Variants in GOLGA8K observed in about 807,000 individuals in gnomAD.
The protein encoded by GOLGA8K is golgin subfamily A member 8K.
GOLGA8K carries 12 observed loss-of-function variants against 75.2 expected under a neutral mutation model. The ratio of observed to expected loss-of-function variants is 0.16; its 90% CI spans 0.10 to 0.26. The LOEUF (loss-of-function observed/expected upper bound fraction) is 0.26, where lower values mean the gene tolerates loss of function less well. GOLGA8K is among the 10% of genes least tolerant of loss of function. GOLGA8K has a pLI of 1.00. For missense variants in GOLGA8K, 109 were observed against 640.8 expected (o/e 0.17, Z 8.96); for synonymous variants, 48 against 236.6 (o/e 0.20, Z 7.32).
chr15:32,397,312 T>C lies in GOLGA8K; in HGVS notation c.679-2A>G, dbSNP rs1436387532. On this transcript the variant is annotated splice_acceptor_variant, in intron 9 of 18. Transcript: ENST00000512626. LOFTEE classifies it high-confidence loss of function. ...GACTTGTTGAAAAGACTCCTTCAACTGCAAGAATGGGCACAGAACTTAGGA... is the reference window on the plus strand; with the variant it reads ...GACTTGTTGAAAAGACTCCTTCAACCGCAAGAATGGGCACAGAACTTAGGA... The C allele has an allele frequency of 6.3e-7, 1 of 1,576,704 alleles. No individual in the cohort carries two copies. The highest frequency in any genetic ancestry group is 1.4e-5 in the African/African-American group (1 of 70,632).
chr15:32,395,001 T>C (rs1408227414), intron 13 of GOLGA8K, among the ~76,000 whole-genome samples: 1 of 149,704 alleles, frequency 6.7e-6, no homozygotes, highest in Non-Finnish European at 1.5e-5. Flanking sequence ...CAGGTAATGG[T>C]CTGGCTGCTG....
At chr15:32,397,396 A>G in intron 9 of GOLGA8K, 21 bp downstream of exon 9, 1 of 1,188,332 alleles carries the variant, frequency 8.4e-7, no homozygotes, top group Non-Finnish European at 1.2e-6. Context: ...CCTTCCACAT[A>G]ACTCCCTCAG....
At position 32,397,249 on chromosome 15, in the gene GOLGA8K, C is replaced by T. The variant is rs2054632968; in HGVS notation, c.740G>A (p.Gly247Glu). The change falls in exon 10 of 19, where the codon GGA becomes GAA. Residue 247 changes from glycine (G) to glutamate (E), a missense_variant. Coordinates refer to ENST00000512626, the MANE Select transcript of GOLGA8K (RefSeq NM_001282493.2). ...ERDEYSEHLK[G>E]ERARWQQRMR... ...CCTCTGCTGCCACCGGGCCCTCTCT[C>T]CTTTTAGATGTTCAGAATACTCATC... The T allele has an allele frequency of 6.4e-7, 1 of 1,563,912 alleles. No individual in the cohort carries two copies. The highest frequency in any genetic ancestry group is 1.8e-5 in the Admixed American group (1 of 56,826).
rs1455798967 is a variant in GOLGA8K, at chr15:32,393,411, G to C, written c.1464-21C>G. On this transcript the variant is annotated intron_variant, in intron 16 of 18. Transcript: ENST00000512626. ...TTTTCCTGCGGGAGGACAGGGCTCA[G>C]ACGCTGGGGCCCCTCCGACGGCCCT... is the stretch of plus-strand genomic sequence containing the variant. 6.5e-6 allele frequency: 7 copies of C among 1,071,036 alleles called. 2 individuals are homozygous for C. Among genetic ancestry groups the C allele is most frequent in the Middle Eastern group, 5.8e-4 (2 of 3,464 alleles). 66.3% of individuals were successfully genotyped at this position (1,071,036 alleles called of 1,614,324 possible).
chr15:32,396,775 G>A (rs2054622940), intron 11 of GOLGA8K, 145 bp downstream of exon 11: 1 of 603,208 alleles, frequency 1.7e-6, no homozygotes. Flanking sequence ...TCATTGAGAT[G>A]ACAAGACTCG....
At chr15:32,395,834 C>G (rs1488900459) in intron 13 of GOLGA8K, 129 bp downstream of exon 13, 5 of 1,500,444 alleles carry the variant, frequency 3.3e-6, no homozygotes, top group Non-Finnish European at 3.6e-6. Flanking sequence ...ACAGGACTGC[C>G]CTGGGGGGTG....
rs533025151 is a variant in GOLGA8K, at chr15:32,394,981, G to A, written c.1201-241C>T. On this transcript the variant is annotated intron_variant, in intron 13 of 18. Transcript: ENST00000512626. The stretch of plus-strand genomic sequence containing the variant: ...TGCTGATAGGTGGCCACGTACTGCT[G>A]CAGGTGACCCAGGTAATGGTCTGGC... Among the ~76,000 whole-genome samples, 1,180 of 149,962 alleles carry A rather than the reference G, an allele frequency of 7.9e-3. 10 individuals carry two copies. The highest frequency in any genetic ancestry group is 0.028 in the African/African-American group (1,140 of 41,172).
In GOLGA8K at chr15:32,389,963, A is replaced by G. The variant is rs1341482687; in HGVS notation, c.*2819T>C. 1.0e-5 allele frequency among the ~76,000 whole-genome samples: 1 copy of G among 96,494 alleles called. No individual in the cohort carries two copies. Among genetic ancestry groups the G allele is most frequent in the African/African-American group, 3.3e-5 (1 of 30,298 alleles). The allele number at this position is 96,494 out of a possible 152,430, so 63.3% of individuals were successfully genotyped here. ...GGATAGGGCTGATTTACATTTTCAA[A>G]TTTTCTAAAATCAGCTTTGGTTTTA... is the stretch of plus-strand genomic sequence containing the variant. On this transcript the variant is annotated 3_prime_UTR_variant, in exon 19 of 19. Coordinates refer to ENST00000512626, the MANE Select transcript of GOLGA8K (RefSeq NM_001282493.2).
At position 32,394,131 on chromosome 15, in the gene GOLGA8K, G is replaced by T. The variant is rs1566973898; in HGVS notation, c.1365+14C>A. The T allele has an allele frequency of 8.2e-6, 8 of 973,894 alleles. 2 individuals are homozygous for T. In the South Asian group the frequency reaches 1.0e-4, roughly 13 times the overall value. 60.3% of individuals were successfully genotyped at this position (973,894 alleles called of 1,614,324 possible). On this transcript the variant is annotated intron_variant, in intron 15 of 18. Transcript: ENST00000512626. Reference sequence around the variant, plus strand: ...GAAAGGTGGCAAAATGGGTGCAGGGGGAGTCAGGCTCACCATGGCCTCCCT... The same window carrying T: ...GAAAGGTGGCAAAATGGGTGCAGGGTGAGTCAGGCTCACCATGGCCTCCCT...
rs1325393292 is a variant in GOLGA8K at position 32,395,843 on chromosome 15, T to C, written c.1200+120A>G. On this transcript the variant is annotated intron_variant, in intron 13 of 18. Transcript: ENST00000512626. ...CAAGAAACAGGACTGCCCTGGGGGG[T>C]GCTGTGGTCACCAGCCCCCAGGCTG... 30 of 1,508,064 alleles carry C rather than the reference T, an allele frequency of 2.0e-5. 2 individuals carry two copies. Among genetic ancestry groups the C allele is most frequent in the Admixed American group, 7.9e-5 (4 of 50,672 alleles). The allele number at this position is 1,508,064 out of a possible 1,614,324, so 93.4% of individuals were successfully genotyped here. A position where few individuals can be genotyped will look rare whatever the true frequency, so the allele number is the denominator to read the frequency against.
intron 1 of GOLGA8K, chr15:32,402,069 A>G: frequency 4.6e-6 from 1 of 217,418 alleles, no homozygotes; most frequent in Non-Finnish European, 8.3e-6. Flanking sequence ...CTTCAGAAAG[A>G]TGTCCCACAT....
rs2054585590 is a variant in GOLGA8K, at chr15:32,394,746, G to A, written c.1201-6C>T. On this transcript the variant is annotated splice_region_variant and splice_polypyrimidine_tract_variant and intron_variant, in intron 13 of 18. Transcript: ENST00000512626. Reference sequence around the variant, plus strand: ...CTGGCCGCTTCCAGGTGCTCCTGAGGGGCCAGGACAGAGTGAGAAGGGGTG... The same window carrying A: ...CTGGCCGCTTCCAGGTGCTCCTGAGAGGCCAGGACAGAGTGAGAAGGGGTG... 1 of 1,541,712 alleles carries A rather than the reference G, an allele frequency of 6.5e-7. No individual in the cohort carries two copies. The highest frequency in any genetic ancestry group is 8.8e-7 in the Non-Finnish European group (1 of 1,140,250).
intron 13 of GOLGA8K, among the ~76,000 whole-genome samples, chr15:32,394,973 G>A (rs866386332): frequency 0.012 from 1,774 of 149,856 alleles, 22 homozygotes; most frequent in African/African-American, 0.04. Context: ...AGGTGGCCAC[G>A]TACTGCTGCA....
In GOLGA8K at chr15:32,393,515, T is replaced by G; in HGVS notation, c.1421A>C (p.Lys474Thr). The stretch of plus-strand genomic sequence containing the variant: ...CCAGTGGTGGATGAAGCAGAGTTCT[T>G]TTTTCACCAGCTCACTCAGGTCTGC... ...EKADLSELVK[K>T]ELCFIHHWRD... The change falls in exon 16 of 19, where the codon AAA (lysine) becomes ACA (threonine). Residue 474 changes from lysine to threonine, a missense_variant. Coordinates refer to ENST00000512626, the MANE Select transcript of GOLGA8K (RefSeq NM_001282493.2). 1 of 1,201,106 alleles carries G rather than the reference T, an allele frequency of 8.3e-7. No individual in the cohort carries two copies. The highest frequency in any genetic ancestry group is 1.1e-6 in the Non-Finnish European group (1 of 906,062). The allele number at this position is 1,201,106 out of a possible 1,614,324, so 74.4% of individuals were successfully genotyped here.
intron 13 of GOLGA8K, 68 bp from the exon 14 acceptor site, chr15:32,394,808 C>A (rs557198663): frequency 7.1e-7 from 1 of 1,399,146 alleles, no homozygotes; most frequent in Non-Finnish European, 9.7e-7. Context: ...GCCCCATCCT[C>A]GGCAGCTCCC....
At chr15:32,394,893 T>G (rs1193101596) in intron 13 of GOLGA8K, among the ~76,000 whole-genome samples, 153 bp from the exon 14 acceptor site, 1 of 144,630 alleles carries the variant, frequency 6.9e-6, no homozygotes, top group African/African-American at 2.5e-5. Flanking sequence ...CTGCTGCAGC[T>G]GGTTCATTAG....
chr15:32,394,317 T>A, intron 14 of GOLGA8K, 84 bp from the exon 15 acceptor site: 1 of 621,524 alleles, frequency 1.6e-6, no homozygotes, highest in Non-Finnish European at 2.8e-6. Context: ...CCTCACTGTG[T>A]AACCCTGAGC....
chr15:32,394,970 C>T (rs564060799), intron 13 of GOLGA8K, among the ~76,000 whole-genome samples: 2 of 150,064 alleles, frequency 1.3e-5, no homozygotes, highest in South Asian at 4.2e-4. Flanking sequence ...GATAGGTGGC[C>T]ACGTACTGCT....
rs1405692029 is a variant in GOLGA8K at position 32,391,424 on chromosome 15, T to C, written c.*1358A>G. Among the ~76,000 whole-genome samples, 1 of 123,418 alleles carries C rather than the reference T, an allele frequency of 8.1e-6. No individual in the cohort carries two copies. Among genetic ancestry groups the C allele is most frequent in the African/African-American group, 2.6e-5 (1 of 38,532 alleles). The allele number at this position is 123,418 out of a possible 152,430, so 81.0% of individuals were successfully genotyped here. On this transcript the variant is annotated 3_prime_UTR_variant, in exon 19 of 19. Transcript: ENST00000512626. ...TGTACACATTTTAAGTTTCATAAAC[T>C]TCTCCTTGATTTTCAAAGAGAGTAC...
Sources: gnomAD v4.1 joint callset for allele counts (sites outside exome capture counted in the v4.1 genomes callset) on GRCh38, gnomAD v4.1.1 for gene constraint, MANE v1.5 for transcripts, NCBI Gene and HGNC (gene_info 2026-07-23, HGNC 2026-07-21) for gene names.